The following ANO2 variants were observed in gnomAD, a reference collection of about 807,000 sequenced individuals.
ANO2 encodes the protein anoctamin 2.
Under a neutral mutation model 124.2 loss-of-function variants are expected in ANO2, and 101 were observed. The ratio of observed to expected loss-of-function variants is 0.81; its 90% CI spans 0.69 to 0.96. ANO2 has a LOEUF of 0.96. Among genes scored for constraint, ANO2 ranks in the 40% least tolerant of loss-of-function variants. ANO2 has a pLI of 0.00. For missense variants in ANO2, 1,293 were observed against 1,274.5 expected (o/e 1.01, Z -0.22); for synonymous variants, 486 against 482.5 (o/e 1.01, Z -0.09).
At chr12:5,859,120 A>G (rs1279481357) in intron 3 of ANO2, among the ~76,000 whole-genome samples, 3 of 152,228 alleles carry the variant, frequency 2.0e-5, no homozygotes, top group African/African-American at 7.2e-5. Context: ...GATGTTATAA[A>G]TAAGTAATCA....
At chr12:5,732,679 T>C in intron 13 of ANO2, 49 bp from the exon 14 acceptor site, 1 of 1,576,154 alleles carries the variant, frequency 6.3e-7, no homozygotes, top group Non-Finnish European at 8.7e-7. Flanking sequence ...AAGAATGACC[T>C]TGGCCTTAGG....
chr12:5,795,705 A>G (rs1952824440), intron 10 of ANO2, among the ~76,000 whole-genome samples: 1 of 152,210 alleles, frequency 6.6e-6, no homozygotes, highest in African/African-American at 2.4e-5. Flanking sequence ...CATTCATATC[A>G]AAACGTCCAA....
At chr12:5,821,995 G>A (rs1298359043) in intron 7 of ANO2, among the ~76,000 whole-genome samples, 1 of 152,148 alleles carries the variant, frequency 6.6e-6, no homozygotes, top group Non-Finnish European at 1.5e-5. Flanking sequence ...AGGAAGAGAA[G>A]ACTCAGGCCT....
At chr12:5,629,309 C>T (rs1055698271) in intron 16 of ANO2, among the ~76,000 whole-genome samples, 2 of 152,198 alleles carry the variant, frequency 1.3e-5, no homozygotes, top group African/African-American at 4.8e-5. Context: ...CTCCATACTG[C>T]CTCTTATTTG....
At chr12:5,872,085 T>A (rs906999771) in intron 3 of ANO2, among the ~76,000 whole-genome samples, 4 of 152,300 alleles carry the variant, frequency 2.6e-5, no homozygotes, top group Non-Finnish European at 5.9e-5. Context: ...GTCAGCCAGC[T>A]CTTAATGGGG....
At chr12:5,620,689 G>C (rs527560858) in intron 16 of ANO2, among the ~76,000 whole-genome samples, 127 of 152,072 alleles carry the variant, frequency 8.4e-4, no homozygotes, top group Non-Finnish European at 1.5e-3. Flanking sequence ...AGCCTTCCGT[G>C]ATATTCCTCT....
At chr12:5,764,884 C>T (rs957439231) in intron 10 of ANO2, among the ~76,000 whole-genome samples, 2 of 152,224 alleles carry the variant, frequency 1.3e-5, no homozygotes, top group Non-Finnish European at 2.9e-5. Flanking sequence ...TAAATTAAAG[C>T]TTACTGGAGT....
intron 9 of ANO2, among the ~76,000 whole-genome samples, chr12:5,805,850 T>C (rs141856403): frequency 1.8e-3 from 276 of 152,338 alleles, no homozygotes; most frequent in African/African-American, 6.3e-3. Flanking sequence ...ACAGTTGGCA[T>C]TGTGGCTCTC....
intron 20 of ANO2, among the ~76,000 whole-genome samples, chr12:5,583,481 G>A (rs1030572178): frequency 2.5e-4 from 38 of 151,356 alleles, no homozygotes; most frequent in South Asian, 4.2e-4. Context: ...GTGAAACCCC[G>A]TCTCTACTAA....
At chr12:5,823,471 T>C (rs1953868159) in intron 7 of ANO2, among the ~76,000 whole-genome samples, 1 of 152,214 alleles carries the variant, frequency 6.6e-6, no homozygotes, top group South Asian at 2.1e-4. Flanking sequence ...AGCAGGGCAG[T>C]AAAATTTTAA....
chr12:5,838,244 T>C (rs1316846418), intron 4 of ANO2, among the ~76,000 whole-genome samples: 1 of 152,156 alleles, frequency 6.6e-6, no homozygotes, highest in Non-Finnish European at 1.5e-5. Flanking sequence ...GGGGTAAGTT[T>C]CAACTGTTTC....
At chr12:5,840,640 G>A (rs1247385811) in intron 4 of ANO2, among the ~76,000 whole-genome samples, 5 of 152,170 alleles carry the variant, frequency 3.3e-5, no homozygotes, top group African/African-American at 4.8e-5. Context: ...AATGACCCAT[G>A]AGTCACTAAT....
At chr12:5,633,587 A>G (rs1945843162) in intron 16 of ANO2, among the ~76,000 whole-genome samples, 1 of 137,004 alleles carries the variant, frequency 7.3e-6, no homozygotes, top group African/African-American at 2.5e-5. Flanking sequence ...GCAAAACAAA[A>G]CAAAAAAAAA....
At position 5,769,051 on chromosome 12, in the gene ANO2, G is replaced by T. The variant is rs568806585; in HGVS notation, c.1056-18081C>A. On this transcript the variant is annotated intron_variant, in intron 10 of 24. Transcript: ENST00000682330. The surrounding 1 kb of genome is among the most constrained non-coding windows in gnomAD (Gnocchi z 4.0). ...GGCTTAGCTTATGTCCTGACAGCTG[G>T]AAACAACACAGCAAATGGGATGAGA... Among the ~76,000 whole-genome samples the T allele has an allele frequency of 6.6e-6, 1 of 152,264 alleles. No homozygotes were observed. The highest frequency in any genetic ancestry group is 1.9e-4 in the East Asian group (1 of 5,172).
rs139779688 is a variant in ANO2 at position 5,593,085 on chromosome 12, A to T, written c.2233+6399T>A. ...TCTGGCTTTTACTCCAAATGAATGAATAAGTAAACATGCAATCATGGATGC... is the reference window on the plus strand; with the variant it reads ...TCTGGCTTTTACTCCAAATGAATGATTAAGTAAACATGCAATCATGGATGC... On this transcript the variant is annotated intron_variant, in intron 20 of 24. Transcript: ENST00000682330. Among the ~76,000 whole-genome samples the T allele has an allele frequency of 5.1e-3, 783 of 152,338 alleles. 3 individuals are homozygous for T. Among genetic ancestry groups the T allele is most frequent in the Non-Finnish European group, 8.3e-3 (568 of 68,034 alleles).
chr12:5,739,687 AAAGT>A (rs1263139853), intron 12 of ANO2, among the ~76,000 whole-genome samples: 1 of 152,076 alleles, frequency 6.6e-6, no homozygotes, highest in Non-Finnish European at 1.5e-5. Context: ...CTGGAGAAGT[AAAGT>A]AAGGATGGCG....
intron 13 of ANO2, among the ~76,000 whole-genome samples, chr12:5,735,478 A>G (rs1316334532): frequency 6.6e-6 from 1 of 152,242 alleles, no homozygotes; most frequent in Non-Finnish European, 1.5e-5. Context: ...CTATACTGCC[A>G]GTCCTAGACA....
chr12:5,931,951 G>A (rs373579183), intron 1 of ANO2, among the ~76,000 whole-genome samples: 4 of 116,082 alleles, frequency 3.4e-5, no homozygotes, highest in African/African-American at 9.9e-5. Context: ...GTAGACGAGT[G>A]AGGAAAGAAG....
Position 5,922,704 on chromosome 12 carries a change from T to G in ANO2, c.123A>C (p.Pro41=), listed in dbSNP as rs1274923717. 1 of 1,594,336 alleles carries G rather than the reference T, an allele frequency of 6.3e-7. No individual in the cohort carries two copies. The highest frequency in any genetic ancestry group is 2.3e-5 in the East Asian group (1 of 44,114). ...PKHGQQCLKM[P]GPRAPGLQGG... ...CCTGCAGACCTGGGGCCCGGGGACCTGGCATCTTGAGACACTGCTGTCCAT... is the reference window on the plus strand; with the variant it reads ...CCTGCAGACCTGGGGCCCGGGGACCGGGCATCTTGAGACACTGCTGTCCAT... The change falls in exon 2 of 25, where the codon CCA becomes CCC. Residue 41 remains proline, a synonymous_variant. Coordinates refer to ENST00000682330, the MANE Select transcript of ANO2 (RefSeq NM_001364791.2).
Sources: gnomAD v4.1 joint callset for allele counts (sites outside exome capture counted in the v4.1 genomes callset) on GRCh38, gnomAD v4.1.1 for gene constraint, Gnocchi (gnomAD v3.1) non-coding constraint, MANE v1.5 for transcripts, NCBI Gene and HGNC (gene_info 2026-07-23, HGNC 2026-07-21) for gene names.